FHIT: variants seen among roughly 807,000 people sequenced by gnomAD.
The protein encoded by FHIT is fragile histidine triad diadenosine triphosphatase, also known as bis(5'-adenosyl)-triphosphatase.
Under a neutral mutation model 17.9 loss-of-function variants are expected in FHIT, and 19 were observed. The observed-to-expected ratio is 1.06, with a 90% confidence interval of 0.74 to 1.56. FHIT has a LOEUF of 1.56. Among genes scored for constraint, FHIT ranks in the 40% most tolerant of loss-of-function variants. The pLI, the probability that FHIT is intolerant of heterozygous loss-of-function variation, is 0.00. For missense variants in FHIT, 248 were observed against 189.2 expected (o/e 1.31, Z -1.82); for synonymous variants, 81 against 69.7 (o/e 1.16, Z -0.81).
intron 5 of FHIT, among the ~76,000 whole-genome samples, chr3:60,503,796 T>C (rs1269640719): frequency 2.0e-5 from 3 of 152,198 alleles, no homozygotes; most frequent in Non-Finnish European, 4.4e-5. Context: ...AAAACTGTTT[T>C]GGAGAAGATG....
chr3:60,495,069 A>G (rs979921531), intron 5 of FHIT, among the ~76,000 whole-genome samples: 1 of 152,150 alleles, frequency 6.6e-6, no homozygotes. Flanking sequence ...TAGTGGCTGT[A>G]CTAATTTACA....
At chr3:60,885,534 G>C (rs1705185739) in intron 3 of FHIT, among the ~76,000 whole-genome samples, 1 of 151,954 alleles carries the variant, frequency 6.6e-6, no homozygotes, top group African/African-American at 2.4e-5. Flanking sequence ...GTCATGCCTT[G>C]GCCTAAAACT....
intron 5 of FHIT, among the ~76,000 whole-genome samples, chr3:60,346,992 C>T (rs1339815323): frequency 2.0e-5 from 3 of 151,712 alleles, no homozygotes; most frequent in African/African-American, 4.8e-5. Flanking sequence ...AAATATAATG[C>T]TTACATGGGA....
chr3:61,218,025 C>A (rs1049598341), intron 1 of FHIT, among the ~76,000 whole-genome samples: 2 of 152,058 alleles, frequency 1.3e-5, no homozygotes, highest in Non-Finnish European at 2.9e-5. Context: ...ATTTGAAGTG[C>A]CTTAGAGACA....
At chr3:60,959,508 C>G (rs76416310) in intron 3 of FHIT, among the ~76,000 whole-genome samples, 11,063 of 152,204 alleles carry the variant, frequency 0.073, 1,335 homozygotes, top group African/African-American at 0.25. Flanking sequence ...ACCCAGAGCT[C>G]ACTATCTTGT....
intron 3 of FHIT, among the ~76,000 whole-genome samples, chr3:60,871,436 A>C (rs562151119): frequency 1.3e-5 from 2 of 152,226 alleles, no homozygotes; most frequent in South Asian, 4.1e-4. Context: ...TGCTACCAGA[A>C]GTCTAATAAC....
At chr3:60,445,099 G>A (rs2031230272) in intron 5 of FHIT, among the ~76,000 whole-genome samples, 1 of 152,040 alleles carries the variant, frequency 6.6e-6, no homozygotes, top group African/African-American at 2.4e-5. Context: ...ATTACCATAA[G>A]TACTCTAAAA....
chr3:60,058,036 A>T (rs1345367823), intron 5 of FHIT, among the ~76,000 whole-genome samples: 2 of 151,572 alleles, frequency 1.3e-5, no homozygotes, highest in East Asian at 3.9e-4. Flanking sequence ...AAGCTTACAG[A>T]GACAGAAAAG....
In FHIT at chr3:59,922,405, C is replaced by G. The variant is rs139666727; in HGVS notation, c.289G>C (p.Val97Leu). The change falls in exon 8 of 10, where the codon GTC becomes CTC. Residue 97 changes from valine to leucine, a missense_variant. Transcript: ENST00000492590. ...EAGQTVKHVHVHVLPRKAGDF... is the reference protein window; with the variant it reads ...EAGQTVKHVHLHVLPRKAGDF... ...CCAGCCTTCCTGGGAAGAACATGGA[C>G]GTGAACGTGCTGAAAATGTACAAGA... The G allele has an allele frequency of 6.2e-7, 1 of 1,613,236 alleles. No homozygotes were observed.
At chr3:61,108,442 C>T (rs2036055130) in intron 2 of FHIT, among the ~76,000 whole-genome samples, 2 of 152,158 alleles carry the variant, frequency 1.3e-5, no homozygotes, top group Admixed American at 6.5e-5. Context: ...TGCCCTGTGG[C>T]TCACATTCTG....
chr3:60,928,330 AAAAAG>A (rs1171435765), intron 3 of FHIT, among the ~76,000 whole-genome samples: 30 of 151,408 alleles, frequency 2.0e-4, no homozygotes, highest in African/African-American at 3.9e-4. Context: ...TAAAAAAAAA[AAAAAG>A]AAAAGTTCAA....
In FHIT at chr3:60,796,744, A is replaced by C. The variant is rs375905319; in HGVS notation, c.-18+25175T>G. ...TTACAGGTGTGTGCCACCACACTCA[A>C]CTAATGTTTGTATTTTTAGTAGAAA... On this transcript the variant is annotated intron_variant, in intron 4 of 9. Coordinates refer to ENST00000492590, the MANE Select transcript of FHIT (RefSeq NM_002012.4). Among the ~76,000 whole-genome samples, 46 of 152,226 alleles carry C rather than the reference A, an allele frequency of 3.0e-4. No homozygotes were observed. The East Asian group carries it at 6.8e-3, about 22-fold the overall frequency.
intron 3 of FHIT, among the ~76,000 whole-genome samples, chr3:61,030,431 A>T (rs551990475): frequency 1.1e-4 from 16 of 152,370 alleles, no homozygotes; most frequent in African/African-American, 3.6e-4. Context: ...CATTTCAGTT[A>T]GTTAAAATTA....
At chr3:59,913,284 A>T (rs1029199867) in intron 8 of FHIT, among the ~76,000 whole-genome samples, 1 of 152,170 alleles carries the variant, frequency 6.6e-6, no homozygotes, top group Non-Finnish European at 1.5e-5. Flanking sequence ...TGGAAGTCCC[A>T]GTGTCTAAGA....
intron 3 of FHIT, among the ~76,000 whole-genome samples, chr3:60,870,529 C>T (rs1484200179): frequency 2.6e-5 from 4 of 152,150 alleles, no homozygotes; most frequent in African/African-American, 9.6e-5. Context: ...TTCAGTTCCA[C>T]AGGCAAGGCT....
At chr3:61,077,401 G>T (rs911442890) in intron 2 of FHIT, among the ~76,000 whole-genome samples, 3 of 151,752 alleles carry the variant, frequency 2.0e-5, no homozygotes, top group African/African-American at 7.3e-5. Flanking sequence ...ATTAGAGTGA[G>T]AACTAAAGTC....
chr3:60,101,697 C>T (rs925946046), intron 5 of FHIT, among the ~76,000 whole-genome samples: 1 of 152,194 alleles, frequency 6.6e-6, no homozygotes, highest in African/African-American at 2.4e-5. Flanking sequence ...ACCTGCAACA[C>T]ATCACATGGA....
chr3:60,065,581 T>C (rs1223559470), intron 5 of FHIT, among the ~76,000 whole-genome samples: 2 of 152,188 alleles, frequency 1.3e-5, no homozygotes, highest in Non-Finnish European at 2.9e-5. Context: ...AGACTACCCC[T>C]AGGCAAGCCC....
At chr3:60,800,713 G>A (rs1318110495) in intron 4 of FHIT, among the ~76,000 whole-genome samples, 7 of 152,156 alleles carry the variant, frequency 4.6e-5, no homozygotes, top group African/African-American at 1.2e-4. Flanking sequence ...AAGAAGCCAC[G>A]GAAAGATATG....
Sources: allele counts gnomAD v4.1 joint callset (sites outside exome capture counted in the v4.1 genomes callset), GRCh38; gene constraint gnomAD v4.1.1; transcripts MANE v1.5; gene names NCBI Gene and HGNC (gene_info 2026-07-23, HGNC 2026-07-21).